Variants in APPL1 observed in about 807,000 individuals in gnomAD.
The protein encoded by APPL1 is adaptor protein, phosphotyrosine interacting with PH domain and leucine zipper 1.
A neutral mutation model predicts 106.8 loss-of-function variants in APPL1; 42 were observed. The ratio of observed to expected loss-of-function variants is 0.39; its 90% CI spans 0.31 to 0.51. The LOEUF (loss-of-function observed/expected upper bound fraction) is 0.51, where lower values mean the gene tolerates loss of function less well. Ranked by LOEUF, APPL1 falls within the 20% of genes least tolerant of loss-of-function variation. APPL1 has a pLI of 0.75. For synonymous variants in APPL1, 263 were observed against 281.8 expected, an observed-to-expected ratio of 0.93 and a Z score of 0.67; for missense variants, 769 against 858.2, an observed-to-expected ratio of 0.90 and a Z score of 1.30.
intron 19 of APPL1, among the ~76,000 whole-genome samples, chr3:57,265,640 T>C (rs1010548549): frequency 6.6e-6 from 1 of 151,954 alleles, no homozygotes; most frequent in African/African-American, 2.4e-5. Context: ...TCAGTTCTAA[T>C]AGTTTTTTGG....
chr3:57,266,363 G>A (rs1386400469), intron 19 of APPL1, among the ~76,000 whole-genome samples: 1 of 152,060 alleles, frequency 6.6e-6, no homozygotes, highest in Non-Finnish European at 1.5e-5. Flanking sequence ...TTATGGTTTG[G>A]ATCTTGTTAC....
chr3:57,231,454 C>T (rs530928113), intron 1 of APPL1, among the ~76,000 whole-genome samples: 1 of 151,434 alleles, frequency 6.6e-6, no homozygotes, highest in Non-Finnish European at 1.5e-5. Flanking sequence ...ATGTGAGCCA[C>T]TGTACCAGGC....
Position 57,268,052 on chromosome 3 carries a change from C to T in APPL1, c.1893+260C>T, listed in dbSNP as rs2060906959. The stretch of plus-strand genomic sequence containing the variant: ...AGGTTGCAATGAGCCGAGATCACAC[C>T]ACTGCACTCCAGCCTGGGCAACAGA... On this transcript the variant is annotated intron_variant, in intron 20 of 21. Coordinates refer to ENST00000288266, the MANE Select transcript of APPL1 (RefSeq NM_012096.3). 7 of 533,248 alleles carry T rather than the reference C, an allele frequency of 1.3e-5. No homozygotes were observed. In the South Asian group the frequency reaches 1.6e-4, roughly 13 times the overall value. 33.0% of individuals were successfully genotyped at this position (533,248 alleles called of 1,614,324 possible).
chr3:57,251,245 C>T (rs1020420001), intron 11 of APPL1, among the ~76,000 whole-genome samples: 9 of 150,836 alleles, frequency 6.0e-5, no homozygotes, highest in Admixed American at 1.3e-4. Flanking sequence ...TACTATAGGC[C>T]GGGCTTGGTG....
At position 57,271,270 on chromosome 3, in the gene APPL1, A is replaced by G. The variant is rs1373949956; in HGVS notation, c.*1583A>G. ...TTCTGTAGGAATAGGATAATGATAT[A>G]TAGGATCATGATATTCCTTCTATCC... On this transcript the variant is annotated 3_prime_UTR_variant, in exon 22 of 22. Transcript: ENST00000288266. 1 of 152,586 alleles carries G rather than the reference A, an allele frequency of 6.6e-6. No homozygotes were observed. The highest frequency in any genetic ancestry group is 1.5e-5 in the Non-Finnish European group (1 of 68,016). 9.5% of individuals were successfully genotyped at this position (152,586 alleles called of 1,614,324 possible). A position where few individuals can be genotyped will look rare whatever the true frequency, so the allele number is the denominator to read the frequency against.
chr3:57,234,005 G>A lies in APPL1; in HGVS notation c.55-1561G>A, dbSNP rs182132224. ...AGGCTGAGGTGGGAGGATTTTTTGA[G>A]CTCAGGAGGTCAAGGCTGCAGTGAG... On this transcript the variant is annotated intron_variant, in intron 1 of 21. Coordinates refer to ENST00000288266, the MANE Select transcript of APPL1 (RefSeq NM_012096.3). 3.3e-5 allele frequency among the ~76,000 whole-genome samples: 5 copies of A among 152,206 alleles called. No individual in the cohort carries two copies. In the East Asian group the frequency reaches 9.7e-4, roughly 29 times the overall value.
At chr3:57,242,820 A>C (rs760532359) in intron 6 of APPL1, 36 bp from the exon 7 acceptor site, 11 of 1,491,168 alleles carry the variant, frequency 7.4e-6, no homozygotes, top group Non-Finnish European at 9.3e-6. Context: ...TTTGAAAAGT[A>C]CTGTTGTATT....
rs554359350 is a variant in APPL1, at chr3:57,260,514, G to A, written c.1696-114G>A. ...CATTACAAGTCTGTTAAAATAATTG[G>A]CTTTAATATATTAAAATATTTATAT... is the stretch of plus-strand genomic sequence containing the variant. On this transcript the variant is annotated intron_variant, in intron 18 of 21. Transcript: ENST00000288266. 1.5e-5 allele frequency: 14 copies of A among 957,508 alleles called. No homozygotes were observed. The African/African-American group carries it at 2.0e-4, about 14-fold the overall frequency. The allele number at this position is 957,508 out of a possible 1,614,324, so 59.3% of individuals were successfully genotyped here. A position where few individuals can be genotyped will look rare whatever the true frequency, so the allele number is the denominator to read the frequency against.
rs559772133 is a variant in APPL1, at chr3:57,272,515, C to T, written c.*2828C>T. 2 of 151,938 alleles carry T rather than the reference C, an allele frequency of 1.3e-5. No homozygotes were observed. Among genetic ancestry groups the T allele is most frequent in the South Asian group, 2.1e-4 (1 of 4,818 alleles). 9.4% of individuals were successfully genotyped at this position (151,938 alleles called of 1,614,324 possible). On this transcript the variant is annotated 3_prime_UTR_variant, in exon 22 of 22. Coordinates refer to ENST00000288266, the MANE Select transcript of APPL1 (RefSeq NM_012096.3). ...TTAATTTTGCATTATATCTAGGAACCATATTATTTAAAATTTGAATCCTAT... is the reference window on the plus strand; with the variant it reads ...TTAATTTTGCATTATATCTAGGAACTATATTATTTAAAATTTGAATCCTAT...
intron 11 of APPL1, among the ~76,000 whole-genome samples, chr3:57,251,548 C>T (rs1019683498): frequency 2.0e-5 from 3 of 148,382 alleles, no homozygotes; most frequent in African/African-American, 7.4e-5. Flanking sequence ...AAAAAAGATA[C>T]TATAGCTCAC....
chr3:57,242,018 ATAGTTT>A, intron 5 of APPL1, 77 bp from the exon 6 acceptor site: 1 of 949,150 alleles, frequency 1.1e-6, no homozygotes, highest in Non-Finnish European at 1.6e-6. Context: ...AGTTTTAATT[ATAGTTT>A]AAGTAGCAGT....
chr3:57,259,198 G>A, intron 16 of APPL1, 118 bp downstream of exon 16: 1 of 780,326 alleles, frequency 1.3e-6, no homozygotes, highest in South Asian at 2.0e-5. Flanking sequence ...CTTTACTTCA[G>A]AATTTCCTCT....
chr3:57,264,416 T>G (rs1174230057), intron 19 of APPL1, among the ~76,000 whole-genome samples: 2 of 152,116 alleles, frequency 1.3e-5, no homozygotes, highest in Non-Finnish European at 2.9e-5. Context: ...TTTGCTTTAG[T>G]TGCCTGTGCT....
chr3:57,270,755 GATAATAGA>G lies in APPL1; in HGVS notation c.*1074_*1081del, dbSNP rs1400101745. The G allele has an allele frequency of 6.6e-6, 1 of 152,316 alleles. No homozygotes were observed. Among genetic ancestry groups the G allele is most frequent in the Non-Finnish European group, 1.5e-5 (1 of 67,986 alleles). 9.4% of individuals were successfully genotyped at this position (152,316 alleles called of 1,614,324 possible). On this transcript the variant is annotated 3_prime_UTR_variant, in exon 22 of 22. Coordinates refer to ENST00000288266, the MANE Select transcript of APPL1 (RefSeq NM_012096.3). ...CCACAAAGGCAAATAACTAATGTAT[GATAATAGA>G]ATAATTTGCACTAATTATTGTAAAT...
Position 57,237,416 on chromosome 3 carries a change from A to G in APPL1, c.154-76A>G, listed in dbSNP as rs1002181751. The G allele has an allele frequency of 1.8e-5, 18 of 985,252 alleles. No individual in the cohort carries two copies. In the African/African-American group the frequency reaches 2.3e-4, roughly 13 times the overall value. 61.0% of individuals were successfully genotyped at this position (985,252 alleles called of 1,614,324 possible). On this transcript the variant is annotated intron_variant, in intron 2 of 21. Transcript: ENST00000288266. The stretch of plus-strand genomic sequence containing the variant: ...CAATATTTATGTTAAGTGATAATAA[A>G]TAAATTAGGTATTTAATTAGAAAAA...
At chr3:57,260,298 G>T in intron 18 of APPL1, 145 bp downstream of exon 18, 2 of 818,750 alleles carry the variant, frequency 2.4e-6, no homozygotes, top group South Asian at 2.0e-5. Flanking sequence ...TAAGTCTATG[G>T]CCATCTCCAA....
At chr3:57,256,466 A>G (rs1459817817) in intron 13 of APPL1, among the ~76,000 whole-genome samples, 3 of 152,242 alleles carry the variant, frequency 2.0e-5, no homozygotes, top group African/African-American at 7.2e-5. Flanking sequence ...GAGCATAAAT[A>G]TATTCTGGAA....
rs934363902 is a variant in APPL1, at chr3:57,227,847, C to A, written c.-37C>A. The A allele has an allele frequency of 1.0e-5, 15 of 1,443,780 alleles. No homozygotes were observed. The highest frequency in any genetic ancestry group is 9.1e-6 in the Non-Finnish European group (10 of 1,093,886). The allele number at this position is 1,443,780 out of a possible 1,614,324, so 89.4% of individuals were successfully genotyped here. On this transcript the variant is annotated 5_prime_UTR_variant, in exon 1 of 22. Coordinates refer to ENST00000288266, the MANE Select transcript of APPL1 (RefSeq NM_012096.3). ...GGCCGGCGCGGGGAGCTGTGGGCGG[C>A]AGCTGCGTCTCCTGCCACCGCCCTC...
intron 19 of APPL1, among the ~76,000 whole-genome samples, chr3:57,266,155 T>C (rs1406232019): frequency 6.6e-6 from 1 of 152,236 alleles, no homozygotes; most frequent in African/African-American, 2.4e-5. Context: ...CCTGTAGTTT[T>C]CTTTTTTTGA....
Sources: gnomAD v4.1 joint callset for allele counts (sites outside exome capture counted in the v4.1 genomes callset) on GRCh38, gnomAD v4.1.1 for gene constraint, MANE v1.5 for transcripts, NCBI Gene and HGNC (gene_info 2026-07-23, HGNC 2026-07-21) for gene names.